Variants in ATP8A2 observed in about 807,000 individuals in gnomAD.
ATP8A2 encodes ATPase phospholipid transporting 8A2, also known as phospholipid-transporting ATPase IB.
ATP8A2 carries 100 observed loss-of-function variants against 165.6 expected under a neutral mutation model. That is an observed-to-expected ratio of 0.60 (90% CI 0.51 to 0.71). ATP8A2 has a LOEUF of 0.71. Ranked by LOEUF, ATP8A2 falls within the 30% of genes least tolerant of loss-of-function variation. ATP8A2 has a pLI of 0.00. For synonymous variants in ATP8A2, 543 were observed against 548.8 expected, an observed-to-expected ratio of 0.99 and a Z score of 0.15; for missense variants, 1,227 against 1,479.5, an observed-to-expected ratio of 0.83 and a Z score of 2.80.
At position 25,396,206 on chromosome 13, in the gene ATP8A2, G is replaced by C. The variant is rs1346134231; in HGVS notation, c.76+23918G>C. On this transcript the variant is annotated intron_variant, in intron 1 of 36. Coordinates refer to ENST00000381655, the MANE Select transcript of ATP8A2 (RefSeq NM_016529.6). ...AGGCCTGCCTGTCTGGATTCTTCTC[G>C]TTCTCTTGGAGCAGCCTATCTTCCT... 2.0e-5 allele frequency among the ~76,000 whole-genome samples: 3 copies of C among 152,128 alleles called. 1 individual carries two copies. Among genetic ancestry groups the C allele is most frequent in the African/African-American group, 2.4e-5 (1 of 41,418 alleles).
At chr13:25,539,065 G>T (rs2038382285) in intron 7 of ATP8A2, among the ~76,000 whole-genome samples, 1 of 111,866 alleles carries the variant, frequency 8.9e-6, no homozygotes, top group African/African-American at 5.0e-5. Flanking sequence ...AATTTAGTGT[G>T]TGTGTGTGTG....
At chr13:25,861,046 G>T (rs1465777115) in intron 32 of ATP8A2, among the ~76,000 whole-genome samples, 186 bp downstream of exon 32, 1 of 152,094 alleles carries the variant, frequency 6.6e-6, no homozygotes, top group African/African-American at 2.4e-5. Flanking sequence ...TGATTCATTT[G>T]CTTGGCACGT....
chr13:26,015,148 T>G (rs1277346839), intron 36 of ATP8A2, among the ~76,000 whole-genome samples: 17 of 152,122 alleles, frequency 1.1e-4, no homozygotes, highest in Admixed American at 1.1e-3. Flanking sequence ...AAAAATCTAC[T>G]GAATAAATAT....
At chr13:25,619,879 C>G (rs1160670620) in intron 24 of ATP8A2, among the ~76,000 whole-genome samples, 1 of 152,074 alleles carries the variant, frequency 6.6e-6, no homozygotes, top group Non-Finnish European at 1.5e-5. Flanking sequence ...GAAAACCGTT[C>G]TTAGATTACA....
In ATP8A2 at chr13:25,372,281, G is replaced by A; in HGVS notation, c.69G>A (p.Ser23=). ...MSLPRRSRIR[S]SVGPVRSSLG... Reference sequence around the variant, plus strand: ...TGCCGCGGAGGTCGAGGATCCGCTCGTCCGTGGGTGAGCTGGGAGGGGCGC... The same window carrying A: ...TGCCGCGGAGGTCGAGGATCCGCTCATCCGTGGGTGAGCTGGGAGGGGCGC... Residue 23 remains serine (S), a synonymous_variant, in exon 1 of 37, where the codon TCG becomes TCA. Coordinates refer to ENST00000381655, the MANE Select transcript of ATP8A2 (RefSeq NM_016529.6). This position sits in a 1 kb window ranked among gnomAD's most constrained non-coding sequence, Gnocchi z 4.8. 1.4e-6 allele frequency: 2 copies of A among 1,474,450 alleles called. No homozygotes were observed. The highest frequency in any genetic ancestry group is 3.1e-5 in the East Asian group (1 of 32,330). 91.3% of individuals were successfully genotyped at this position (1,474,450 alleles called of 1,614,324 possible). A position where few individuals can be genotyped will look rare whatever the true frequency, so the allele number is the denominator to read the frequency against.
At chr13:25,384,680 A>G (rs2032975784) in intron 1 of ATP8A2, among the ~76,000 whole-genome samples, 1 of 152,056 alleles carries the variant, frequency 6.6e-6, no homozygotes. Flanking sequence ...TTTTTTCATA[A>G]CAGCCTAGTA....
intron 25 of ATP8A2, among the ~76,000 whole-genome samples, chr13:25,720,167 C>CTTTTTTTTTCTT (rs2043344542): frequency 8.5e-6 from 1 of 117,288 alleles, no homozygotes; most frequent in Non-Finnish European, 1.7e-5. Context: ...TATACTTTTT[C>CTTTTTTTTTCTT]TTTTTTTTTT....
chr13:25,785,031 G>A lies in ATP8A2; in HGVS notation c.2679+10072G>A, dbSNP rs189891761. Among the ~76,000 whole-genome samples the A allele has an allele frequency of 1.3e-3, 204 of 151,746 alleles. 1 individual carries two copies. Among genetic ancestry groups the A allele is most frequent in the African/African-American group, 4.6e-3 (190 of 41,426 alleles). On this transcript the variant is annotated intron_variant, in intron 27 of 36. Transcript: ENST00000381655. ...GCCTGCCTCGGCCTCCCAAAGTGCC[G>A]GGATTACAGGCATGAGCCACACGTG...
rs570325978 is a variant in ATP8A2, at chr13:26,023,255, G to A, written c.*3270G>A. On this transcript the variant is annotated 3_prime_UTR_variant, in exon 37 of 37. Coordinates refer to ENST00000381655, the MANE Select transcript of ATP8A2 (RefSeq NM_016529.6). The stretch of plus-strand genomic sequence containing the variant: ...ATGCACACATGAAAACAAAAACATG[G>A]TAACTCTTTTGGTTCGGCACACCAT... 3 of 152,274 alleles carry A rather than the reference G, an allele frequency of 2.0e-5. No homozygotes were observed. The highest frequency in any genetic ancestry group is 7.2e-5 in the African/African-American group (3 of 41,548). 9.4% of individuals were successfully genotyped at this position (152,274 alleles called of 1,614,324 possible).
intron 1 of ATP8A2, among the ~76,000 whole-genome samples, chr13:25,406,935 G>A (rs144080344): frequency 3.5e-4 from 53 of 152,322 alleles, no homozygotes; most frequent in Middle Eastern, 6.8e-3. Context: ...CCAAGGTAGC[G>A]TCCCCTCTCC....
chr13:25,793,035 GGAGAAGAGAA>G (rs369418002), intron 27 of ATP8A2, among the ~76,000 whole-genome samples: 2 of 121,598 alleles, frequency 1.6e-5, no homozygotes, highest in Non-Finnish European at 3.8e-5. Flanking sequence ...GGAGAAGAGA[GGAGAAGAGAA>G]GAGAAGAGAA....
At chr13:25,858,859 A>G (rs1447414370) in intron 30 of ATP8A2, among the ~76,000 whole-genome samples, 1 of 152,208 alleles carries the variant, frequency 6.6e-6, no homozygotes, top group Admixed American at 6.5e-5. Flanking sequence ...GAAGAGAACA[A>G]TAGATGCCGG....
At chr13:25,970,187 G>A (rs574852284) in intron 35 of ATP8A2, among the ~76,000 whole-genome samples, 13 of 152,238 alleles carry the variant, frequency 8.5e-5, no homozygotes, top group Non-Finnish European at 8.8e-5. Flanking sequence ...ATTGCTGAGG[G>A]GGCATAAGTA....
At chr13:25,777,934 C>G (rs79640970) in intron 27 of ATP8A2, among the ~76,000 whole-genome samples, 1 of 152,170 alleles carries the variant, frequency 6.6e-6, no homozygotes, top group Admixed American at 6.5e-5. Flanking sequence ...CTGTCCTGAC[C>G]TTTTTCTCTG....
At chr13:25,688,522 G>T (rs2042653844) in intron 24 of ATP8A2, among the ~76,000 whole-genome samples, 2 of 152,182 alleles carry the variant, frequency 1.3e-5, no homozygotes, top group South Asian at 4.1e-4. Context: ...TAAAGTTTAT[G>T]TATAATAGAG....
chr13:25,995,545 C>G (rs1956481385), intron 35 of ATP8A2, among the ~76,000 whole-genome samples: 2 of 151,406 alleles, frequency 1.3e-5, no homozygotes, highest in African/African-American at 4.8e-5. Flanking sequence ...AAGGCTTTTT[C>G]TTTATCCTTT....
intron 18 of ATP8A2, among the ~76,000 whole-genome samples, chr13:25,572,126 T>A (rs1241400213): frequency 5.6e-5 from 1 of 17,804 alleles, no homozygotes; most frequent in East Asian, 2.5e-4. Context: ...CGTTAAGATC[T>A]CTCTCTCTCT....
chr13:25,530,847 C>A (rs2038008919), intron 4 of ATP8A2, among the ~76,000 whole-genome samples, 187 bp downstream of exon 4: 1 of 152,098 alleles, frequency 6.6e-6, no homozygotes, highest in African/African-American at 2.4e-5. Context: ...TACAGTGACA[C>A]TAAACAGTTC....
intron 1 of ATP8A2, among the ~76,000 whole-genome samples, chr13:25,459,195 C>T (rs1210928754): frequency 6.6e-6 from 1 of 152,196 alleles, no homozygotes; most frequent in East Asian, 1.9e-4. Flanking sequence ...GCTAAAGCAT[C>T]CTTATTCAAG....
Sources: allele counts gnomAD v4.1 joint callset (sites outside exome capture counted in the v4.1 genomes callset), GRCh38; gene constraint gnomAD v4.1.1; non-coding constraint Gnocchi (gnomAD v3.1); transcripts MANE v1.5; gene names NCBI Gene and HGNC (gene_info 2026-07-23, HGNC 2026-07-21).